Variants in ZEB1 observed in about 807,000 individuals in gnomAD.
ZEB1 encodes zinc finger E-box-binding homeobox 1.
A neutral mutation model predicts 84.9 loss-of-function variants in ZEB1; 21 were observed. That is an observed-to-expected ratio of 0.25 (90% CI 0.18 to 0.36). The LOEUF (loss-of-function observed/expected upper bound fraction) is 0.36, where lower values mean the gene tolerates loss of function less well. ZEB1 is among the 10% of genes least tolerant of loss of function. ZEB1 has a pLI of 1.00. For missense variants in ZEB1, 1,104 were observed against 1,330.2 expected (o/e 0.83, Z 2.65); for synonymous variants, 420 against 471.1 (o/e 0.89, Z 1.41).
At chr10:31,467,781 GGTAC>G (rs1305746113) in intron 2 of ZEB1, among the ~76,000 whole-genome samples, 1 of 151,886 alleles carries the variant, frequency 6.6e-6, no homozygotes, top group Non-Finnish European at 1.5e-5. Flanking sequence ...TTTTTCAGGT[GGTAC>G]AGAAGCTGGG....
chr10:31,447,032 T>C (rs1036232101), intron 1 of ZEB1, among the ~76,000 whole-genome samples: 8 of 149,962 alleles, frequency 5.3e-5, no homozygotes, highest in African/African-American at 1.9e-4. Context: ...TCTCCCATTA[T>C]TAATGTGTGG....
chr10:31,401,753 GT>G (rs2052059647), intron 1 of ZEB1, among the ~76,000 whole-genome samples: 1 of 152,068 alleles, frequency 6.6e-6, no homozygotes, highest in South Asian at 2.1e-4. Flanking sequence ...ATCGTGCTAG[GT>G]TTTTAAGCTT....
At chr10:31,523,007 C>G (rs930457022) in intron 7 of ZEB1, among the ~76,000 whole-genome samples, 1 of 152,200 alleles carries the variant, frequency 6.6e-6, no homozygotes, top group Admixed American at 6.5e-5. Flanking sequence ...GTGACTAGAT[C>G]AAGTAGCAGT....
Position 31,527,412 on chromosome 10 carries a change from AACACACACACACACACAC to A in ZEB1, c.*172_*189del, listed in dbSNP as rs3086583. On this transcript the variant is annotated 3_prime_UTR_variant, in exon 9 of 9. Transcript: ENST00000424869. Reference sequence around the variant, plus strand: ...AAAACTAAAAAAATACAAAATACAAAACACACACACACACACACACACACACACACACACACACACAAA... The same window carrying A: ...AAAACTAAAAAAATACAAAATACAAAACACACACACACACACACACACAAA... 66 of 515,748 alleles carry A rather than the reference AACACACACACACACACAC, an allele frequency of 1.3e-4. No homozygotes were observed. The highest frequency in any genetic ancestry group is 5.6e-4 in the African/African-American group (28 of 49,666). 31.9% of individuals were successfully genotyped at this position (515,748 alleles called of 1,614,324 possible).
chr10:31,353,351 A>G (rs1028149715), intron 1 of ZEB1, among the ~76,000 whole-genome samples: 1 of 152,276 alleles, frequency 6.6e-6, no homozygotes, highest in African/African-American at 2.4e-5. Flanking sequence ...AATAAAGTTT[A>G]TAACATTAAC....
intron 1 of ZEB1, chr10:31,386,990 A>G: frequency 1.4e-6 from 1 of 723,218 alleles, no homozygotes; most frequent in Non-Finnish European, 1.7e-6. Flanking sequence ...GTGAATGAAG[A>G]GAATGTGATT....
chr10:31,365,046 C>T (rs2044196599), intron 1 of ZEB1, among the ~76,000 whole-genome samples: 2 of 152,226 alleles, frequency 1.3e-5, no homozygotes, highest in African/African-American at 2.4e-5. Flanking sequence ...TGTTCTTTCT[C>T]GTCTGATGGG....
chr10:31,360,898 G>A, intron 1 of ZEB1: 1 of 1,395,524 alleles, frequency 7.2e-7, no homozygotes. Context: ...GCAGTAACCT[G>A]AAACAGTACT....
chr10:31,376,410 GT>G (rs1156595202), intron 1 of ZEB1, among the ~76,000 whole-genome samples: 4 of 151,672 alleles, frequency 2.6e-5, no homozygotes, highest in African/African-American at 9.7e-5. Context: ...CTTATTATTT[GT>G]ATAACTTATT....
chr10:31,358,916 A>C (rs2042547571), intron 1 of ZEB1, among the ~76,000 whole-genome samples: 1 of 152,204 alleles, frequency 6.6e-6, no homozygotes, highest in Non-Finnish European at 1.5e-5. Context: ...TTGCCAGCTC[A>C]GTTCTCTCTT....
intron 1 of ZEB1, among the ~76,000 whole-genome samples, chr10:31,410,559 A>G (rs1344252290): frequency 6.6e-6 from 1 of 152,030 alleles, no homozygotes; most frequent in Non-Finnish European, 1.5e-5. Context: ...CTGTTGTTCG[A>G]GATAGTTTCA....
chr10:31,455,241 A>T (rs2061059937), intron 1 of ZEB1, among the ~76,000 whole-genome samples: 1 of 152,198 alleles, frequency 6.6e-6, no homozygotes. Context: ...CCCCTTCCTT[A>T]CACTTTATAC....
intron 1 of ZEB1, among the ~76,000 whole-genome samples, chr10:31,361,805 G>A (rs1430649430): frequency 6.6e-6 from 1 of 151,584 alleles, no homozygotes; most frequent in African/African-American, 2.4e-5. Flanking sequence ...CAGGACGGCA[G>A]CAGGGCAGAG....
intron 1 of ZEB1, among the ~76,000 whole-genome samples, chr10:31,438,521 C>T (rs951879909): frequency 1.3e-5 from 2 of 152,066 alleles, no homozygotes; most frequent in Non-Finnish European, 2.9e-5. Flanking sequence ...ACCGTGATAA[C>T]AAATTCAAAT....
chr10:31,358,237 G>C (rs372199919), intron 1 of ZEB1: 1 of 152,184 alleles, frequency 6.6e-6, no homozygotes, highest in East Asian at 1.9e-4. Context: ...AGAAGGAAGC[G>C]TTGGATAGGC....
chr10:31,482,743 A>G (rs958945607), intron 2 of ZEB1, among the ~76,000 whole-genome samples: 1 of 152,046 alleles, frequency 6.6e-6, no homozygotes, highest in Admixed American at 6.6e-5. Context: ...CTTTGTTAGT[A>G]TGTATTACCT....
chr10:31,467,149 C>T (rs533439591), intron 2 of ZEB1, among the ~76,000 whole-genome samples: 27 of 149,316 alleles, frequency 1.8e-4, no homozygotes, highest in South Asian at 1.7e-3. Flanking sequence ...TGAAGAAACC[C>T]GGGAACACCA....
In ZEB1 at chr10:31,473,612, A is replaced by G. The variant is rs1289988106; in HGVS notation, c.259+12375A>G. On this transcript the variant is annotated intron_variant, in intron 2 of 8. Coordinates refer to ENST00000424869, the MANE Select transcript of ZEB1 (RefSeq NM_001174096.2). ...ATGCTCATGGCTAGGAAGAATCAAT[A>G]TCGTGAAAATGGCCATACTGCCCAA... is the stretch of plus-strand genomic sequence containing the variant. Among the ~76,000 whole-genome samples, 7 of 149,828 alleles carry G rather than the reference A, an allele frequency of 4.7e-5. 1 individual carries two copies. In the East Asian group the frequency reaches 1.4e-3, roughly 29 times the overall value.
intron 1 of ZEB1, among the ~76,000 whole-genome samples, chr10:31,425,064 T>C (rs1459629218): frequency 6.6e-6 from 1 of 151,994 alleles, no homozygotes; most frequent in Admixed American, 6.6e-5. Context: ...AGGTTAACAT[T>C]CAGCAGTTGT....
Sources: gnomAD v4.1 joint callset for allele counts (sites outside exome capture counted in the v4.1 genomes callset) on GRCh38, gnomAD v4.1.1 for gene constraint, MANE v1.5 for transcripts, NCBI Gene and HGNC (gene_info 2026-07-23, HGNC 2026-07-21) for gene names.